BCAS3: variants seen among roughly 807,000 people sequenced by gnomAD.
BCAS3 encodes the protein BCAS4/BCAS3 fusion.
A neutral mutation model predicts 116.1 loss-of-function variants in BCAS3; 53 were observed. That is an observed-to-expected ratio of 0.46 (90% CI 0.37 to 0.57). The LOEUF is 0.57. BCAS3 is among the 20% of genes least tolerant of loss of function. The pLI, the probability that BCAS3 is intolerant of heterozygous loss-of-function variation, is 0.00. For missense variants in BCAS3, 917 were observed against 1,165.4 expected, an observed-to-expected ratio of 0.79 and a Z score of 3.10; for synonymous variants, 391 against 408.2, an observed-to-expected ratio of 0.96 and a Z score of 0.51.
intron 22 of BCAS3, among the ~76,000 whole-genome samples, chr17:61,304,587 G>T (rs2053688925): frequency 6.6e-6 from 1 of 152,136 alleles, no homozygotes; most frequent in Non-Finnish European, 1.5e-5. Flanking sequence ...CCCATGAAAG[G>T]AAGGAGGGAG....
Position 61,325,987 on chromosome 17 carries a change from A to G in BCAS3, c.2426-42340A>G, listed in dbSNP as rs924725472. On this transcript the variant is annotated intron_variant, in intron 22 of 23. Coordinates refer to ENST00000407086, the MANE Select transcript of BCAS3 (RefSeq NM_017679.5). This position sits in a 1 kb window ranked among gnomAD's most constrained non-coding sequence, Gnocchi z 6.4. ...AAAATCGTGTTGTCATACATTACTA[A>G]GCACCCACCATTCATTTGTTTGGCA... Among the ~76,000 whole-genome samples, 5 of 152,220 alleles carry G rather than the reference A, an allele frequency of 3.3e-5. No homozygotes were observed. The highest frequency in any genetic ancestry group is 7.2e-5 in the African/African-American group (3 of 41,458).
At chr17:60,735,164 A>C (rs74257521) in intron 5 of BCAS3, among the ~76,000 whole-genome samples, 2 of 152,280 alleles carry the variant, frequency 1.3e-5, no homozygotes, top group East Asian at 3.9e-4. Context: ...TTTGTGTATT[A>C]ACCTTGTATC....
At chr17:60,816,507 T>C (rs1428263493) in intron 7 of BCAS3, among the ~76,000 whole-genome samples, 1 of 152,052 alleles carries the variant, frequency 6.6e-6, no homozygotes, top group Non-Finnish European at 1.5e-5. Flanking sequence ...TCTCCTGACC[T>C]CGTGATCCGC....
At chr17:60,748,666 G>A (rs2042200205) in intron 6 of BCAS3, among the ~76,000 whole-genome samples, 1 of 152,004 alleles carries the variant, frequency 6.6e-6, no homozygotes, top group Non-Finnish European at 1.5e-5. Flanking sequence ...AAGTTATTTT[G>A]TTTATGTGTA....
intron 12 of BCAS3, among the ~76,000 whole-genome samples, chr17:60,911,103 AT>A (rs1599625012): frequency 5.3e-5 from 4 of 75,782 alleles, no homozygotes; most frequent in Admixed American, 3.9e-4. Context: ...AGATTAATAA[AT>A]TTTTTTCTTT....
chr17:61,072,059 T>A (rs116959363), intron 19 of BCAS3, among the ~76,000 whole-genome samples: 1 of 152,316 alleles, frequency 6.6e-6, no homozygotes, highest in East Asian at 1.9e-4. Flanking sequence ...GTATGCTTAA[T>A]TAGAAAACTA....
chr17:60,954,173 G>A (rs899540542), intron 14 of BCAS3, among the ~76,000 whole-genome samples: 1 of 152,082 alleles, frequency 6.6e-6, no homozygotes, highest in Non-Finnish European at 1.5e-5. Context: ...GATGGTTGTA[G>A]GTATGTGTCC....
chr17:61,371,724 T>A (rs548341889), intron 23 of BCAS3, among the ~76,000 whole-genome samples: 40 of 152,268 alleles, frequency 2.6e-4, no homozygotes, highest in Admixed American at 7.9e-4. Flanking sequence ...AAATATATAT[T>A]TTTTTAAAAG....
Position 61,144,209 on chromosome 17 carries a change from A to AT in BCAS3, c.2425+59655dup, listed in dbSNP as rs1013089403. On this transcript the variant is annotated intron_variant, in intron 22 of 23. Transcript: ENST00000407086. The surrounding 1 kb of genome is among the most constrained non-coding windows in gnomAD (Gnocchi z 5.0). ...AGGCAGAATAAATTTTGGAGCATGG[A>AT]TTTTTTTTTTAAGGAGGGTTATAGT... 2.9e-4 allele frequency among the ~76,000 whole-genome samples: 44 copies of AT among 149,410 alleles called. No individual in the cohort carries two copies. The highest frequency in any genetic ancestry group is 3.7e-4 in the African/African-American group (15 of 40,820).
At chr17:61,152,966 A>T (rs947318828) in intron 22 of BCAS3, among the ~76,000 whole-genome samples, 5 of 152,226 alleles carry the variant, frequency 3.3e-5, no homozygotes, top group Non-Finnish European at 2.9e-5. Context: ...CTTTTGAAAG[A>T]AATTTTCTAT....
At chr17:61,072,693 A>G (rs1399516640) in intron 19 of BCAS3, among the ~76,000 whole-genome samples, 4 of 151,378 alleles carry the variant, frequency 2.6e-5, no homozygotes, top group Admixed American at 6.6e-5. Flanking sequence ...AAAAAAAAAA[A>G]AGAAGAAAGG....
intron 19 of BCAS3, among the ~76,000 whole-genome samples, chr17:61,044,339 C>G (rs955871533): frequency 6.7e-6 from 1 of 150,108 alleles, no homozygotes; most frequent in Non-Finnish European, 1.5e-5. Context: ...CCCAGCAACT[C>G]GGGAGGCTGA....
intron 6 of BCAS3, among the ~76,000 whole-genome samples, chr17:60,758,475 G>A (rs1205329398): frequency 6.6e-5 from 10 of 151,960 alleles, no homozygotes; most frequent in African/African-American, 7.2e-5. Flanking sequence ...TCCGCCTTCC[G>A]GTTCAAACAG....
At chr17:61,182,094 A>C (rs2079518243) in intron 22 of BCAS3, among the ~76,000 whole-genome samples, 1 of 152,102 alleles carries the variant, frequency 6.6e-6, no homozygotes, top group Admixed American at 6.5e-5. Flanking sequence ...TGTTGGTCTC[A>C]AACTCCTGGC....
intron 6 of BCAS3, among the ~76,000 whole-genome samples, chr17:60,806,342 A>G (rs1188834175): frequency 6.6e-6 from 1 of 152,176 alleles, no homozygotes; most frequent in African/African-American, 2.4e-5. Context: ...TAGGAAGGTC[A>G]TCTTTCACTT....
chr17:60,969,928 T>C (rs2061861907), intron 14 of BCAS3, among the ~76,000 whole-genome samples: 1 of 152,144 alleles, frequency 6.6e-6, no homozygotes, highest in Admixed American at 6.5e-5. Context: ...AAGTTTTCCA[T>C]CAAACAACAA....
At chr17:61,230,384 T>C (rs1801856077) in intron 22 of BCAS3, among the ~76,000 whole-genome samples, 1 of 152,144 alleles carries the variant, frequency 6.6e-6, no homozygotes, top group Non-Finnish European at 1.5e-5. Flanking sequence ...TGCAGGTTTA[T>C]TACATGGGCA....
rs990131810 is a variant in BCAS3, at chr17:61,285,797, C to A, written c.2426-82530C>A. ...CTGCAGTTTCCCAAAGGTAAAGGAG[C>A]CTGCAGCTGAGCCTCGAGTTTCTCA... On this transcript the variant is annotated intron_variant, in intron 22 of 23. Transcript: ENST00000407086. The surrounding 1 kb of genome is among the most constrained non-coding windows in gnomAD (Gnocchi z 5.4). Among the ~76,000 whole-genome samples, 3 of 152,158 alleles carry A rather than the reference C, an allele frequency of 2.0e-5. No homozygotes were observed. Among genetic ancestry groups the A allele is most frequent in the Non-Finnish European group, 4.4e-5 (3 of 68,022 alleles).
At position 61,365,403 on chromosome 17, in the gene BCAS3, G is replaced by A. The variant is rs1247866266; in HGVS notation, c.2426-2924G>A. 2.0e-5 allele frequency among the ~76,000 whole-genome samples: 3 copies of A among 152,064 alleles called. No individual in the cohort carries two copies. Among genetic ancestry groups the A allele is most frequent in the African/African-American group, 7.2e-5 (3 of 41,384 alleles). ...GGCTGGAGTGCAGTGGCTCAATCTC[G>A]GCTCACTGCAACCTCTGCCTCCCAG... On this transcript the variant is annotated intron_variant, in intron 22 of 23. Coordinates refer to ENST00000407086, the MANE Select transcript of BCAS3 (RefSeq NM_017679.5). The surrounding 1 kb of genome is among the most constrained non-coding windows in gnomAD (Gnocchi z 4.6).
Sources: gnomAD v4.1 joint callset for allele counts (sites outside exome capture counted in the v4.1 genomes callset) on GRCh38, gnomAD v4.1.1 for gene constraint, Gnocchi (gnomAD v3.1) non-coding constraint, MANE v1.5 for transcripts, NCBI Gene and HGNC (gene_info 2026-07-23, HGNC 2026-07-21) for gene names.